PPARGC1A: variants seen among roughly 807,000 people sequenced by gnomAD.
The protein encoded by PPARGC1A is peroxisome proliferator-activated receptor gamma coactivator 1-alpha.
PPARGC1A carries 25 observed loss-of-function variants against 88.7 expected under a neutral mutation model. The observed-to-expected ratio is 0.28, with a 90% CI of 0.21 to 0.39. The LOEUF (loss-of-function observed/expected upper bound fraction) is 0.39. Ranked by LOEUF, PPARGC1A falls within the 10% of genes least tolerant of loss-of-function variation. The probability of loss-of-function intolerance (pLI) is 1.00; values close to 1 mark genes in which losing one functional copy is unlikely to be tolerated. For missense variants in PPARGC1A, 880 were observed against 968.7 expected (o/e 0.91, Z 1.22); for synonymous variants, 363 against 355.6 (o/e 1.02, Z -0.24).
the PPARGC1A span, among the ~76,000 whole-genome samples, chr4:24,272,528 C>A: frequency 6.6e-6 from 1 of 152,134 alleles, no homozygotes; most frequent in African/African-American, 2.4e-5. Context: ...AAGAAAAAAT[C>A]TTGTGTGAAA....
chr4:23,970,531 G>A, the PPARGC1A span, among the ~76,000 whole-genome samples: 2 of 152,126 alleles, frequency 1.3e-5, no homozygotes, highest in African/African-American at 4.8e-5. Context: ...TGTAATGCGT[G>A]GTTACTGAGG....
the PPARGC1A span, among the ~76,000 whole-genome samples, chr4:23,946,609 G>A: frequency 6.6e-6 from 1 of 152,058 alleles, no homozygotes; most frequent in Non-Finnish European, 1.5e-5. Flanking sequence ...GAACAGCAAA[G>A]GTACAGTGCA....
At chr4:24,407,971 C>T in the PPARGC1A span, among the ~76,000 whole-genome samples, 1 of 152,118 alleles carries the variant, frequency 6.6e-6, no homozygotes, top group African/African-American at 2.4e-5. Context: ...GAGTAAGGAG[C>T]TCTGGATTCA....
the PPARGC1A span, among the ~76,000 whole-genome samples, chr4:23,933,797 G>A: frequency 6.6e-6 from 1 of 152,176 alleles, no homozygotes; most frequent in Non-Finnish European, 1.5e-5. Context: ...TCATTCATAT[G>A]CCACAGGGTA....
the PPARGC1A span, among the ~76,000 whole-genome samples, chr4:24,412,552 C>T: frequency 6.6e-6 from 1 of 152,180 alleles, no homozygotes; most frequent in East Asian, 1.9e-4. Context: ...TCAATCTCCG[C>T]TCACTGCAAC....
At chr4:23,915,163 T>A in the PPARGC1A span, among the ~76,000 whole-genome samples, 1 of 152,202 alleles carries the variant, frequency 6.6e-6, no homozygotes, top group Non-Finnish European at 1.5e-5. Context: ...TTAAAATTTA[T>A]TTTCTTTTTT....
chr4:24,323,684 G>A, the PPARGC1A span, among the ~76,000 whole-genome samples: 1 of 152,216 alleles, frequency 6.6e-6, no homozygotes, highest in Non-Finnish European at 1.5e-5. Context: ...CACAAAGCCT[G>A]TTTGGTGGTC....
the PPARGC1A span, among the ~76,000 whole-genome samples, chr4:23,925,667 C>T: frequency 6.6e-6 from 1 of 152,192 alleles, no homozygotes; most frequent in East Asian, 1.9e-4. Context: ...CCAGGACTCA[C>T]AGGAAAGGTT....
intron 2 of PPARGC1A, among the ~76,000 whole-genome samples, chr4:23,874,684 T>C (rs961451129): frequency 6.6e-6 from 1 of 152,204 alleles, no homozygotes; most frequent in African/African-American, 2.4e-5. Flanking sequence ...TGGCAAGATT[T>C]CCAGAATGTC....
the PPARGC1A span, among the ~76,000 whole-genome samples, chr4:24,056,273 T>C: frequency 6.6e-6 from 1 of 152,218 alleles, no homozygotes; most frequent in South Asian, 2.1e-4. Flanking sequence ...CATGTTCTGC[T>C]TAGGCTGATA....
chr4:24,356,191 C>T, the PPARGC1A span, among the ~76,000 whole-genome samples: 126 of 147,884 alleles, frequency 8.5e-4, 1 homozygote, highest in African/African-American at 1.8e-3. Context: ...AGCAAGACTC[C>T]GTCTCAAACA....
At position 23,814,413 on chromosome 4, in the gene PPARGC1A, T is replaced by C; in HGVS notation, c.1070A>G (p.Gln357Arg). The C allele has an allele frequency of 1.2e-6, 2 of 1,613,858 alleles. No individual in the cohort carries two copies. Among genetic ancestry groups the C allele is most frequent in the Admixed American group, 1.7e-5 (1 of 59,982 alleles). Reference sequence around the variant, plus strand: ...AGTGAGGACTGAGGACTTGCTGAGTTGTGCATACAACTCGGATTGCTCCGG... The same window carrying C: ...AGTGAGGACTGAGGACTTGCTGAGTCGTGCATACAACTCGGATTGCTCCGG... ...KGPEQSELYA[Q>R]LSKSSVLTGG... Residue 357 changes from glutamine (Q) to arginine (R), a missense_variant, in exon 8 of 13, where the codon CAA becomes CGA. By Grantham distance (43) the Gln-to-Arg change is conservative. Transcript: ENST00000264867.
At chr4:24,158,142 G>A in the PPARGC1A span, among the ~76,000 whole-genome samples, 3 of 150,068 alleles carry the variant, frequency 2.0e-5, no homozygotes, top group Non-Finnish European at 2.9e-5. Context: ...CTTTGTGAGA[G>A]ATCTTTGCAA....
chr4:24,430,255 C>CTTTTTTTTTTTTTT, the PPARGC1A span, among the ~76,000 whole-genome samples: 1 of 110,774 alleles, frequency 9.0e-6, no homozygotes, highest in Admixed American at 9.7e-5. Context: ...TTTTGTATTT[C>CTTTTTTTTTTTTTT]TTTTTTTTTT....
chr4:23,802,211 T>G lies in PPARGC1A; in HGVS notation c.2141+13A>C. The G allele has an allele frequency of 6.2e-7, 1 of 1,613,952 alleles. No individual in the cohort carries two copies. ...TCAGCTTCTAAACAAGAAATAATCTTGAAGATTCTCACCCATCATCCCGCA... is the reference window on the plus strand; with the variant it reads ...TCAGCTTCTAAACAAGAAATAATCTGGAAGATTCTCACCCATCATCCCGCA... On this transcript the variant is annotated intron_variant, in intron 11 of 12. Coordinates refer to ENST00000264867, the MANE Select transcript of PPARGC1A (RefSeq NM_013261.5).
chr4:24,156,726 T>TTC, the PPARGC1A span, among the ~76,000 whole-genome samples: 65 of 151,006 alleles, frequency 4.3e-4, 1 homozygote, highest in African/African-American at 1.4e-3. Context: ...TTGCGGTCTT[T>TTC]TCTCTCTCTC....
chr4:24,232,871 T>C, the PPARGC1A span, among the ~76,000 whole-genome samples: 4,522 of 152,298 alleles, frequency 0.03, 224 homozygotes, highest in African/African-American at 0.1. Flanking sequence ...AATTAGCAGC[T>C]TCTAACATAT....
chr4:24,248,559 G>C, the PPARGC1A span, among the ~76,000 whole-genome samples: 3 of 152,046 alleles, frequency 2.0e-5, no homozygotes, highest in African/African-American at 7.3e-5. Flanking sequence ...TACAGAGAAC[G>C]AAAGTGTCAT....
the PPARGC1A span, among the ~76,000 whole-genome samples, chr4:24,413,857 G>A: frequency 2.6e-5 from 4 of 152,152 alleles, no homozygotes; most frequent in Non-Finnish European, 5.9e-5. Flanking sequence ...GAATGCTTGC[G>A]ATATGCCAGG....
Sources: gnomAD v4.1 joint callset for allele counts (sites outside exome capture counted in the v4.1 genomes callset) on GRCh38, gnomAD v4.1.1 for gene constraint, MANE v1.5 for transcripts, NCBI Gene and HGNC (gene_info 2026-07-23, HGNC 2026-07-21) for gene names.